The following PHLDB1 variants were observed in gnomAD, a reference collection of about 807,000 sequenced individuals.
The protein encoded by PHLDB1 is pleckstrin homology like domain family B member 1.
Under a neutral mutation model 139.3 loss-of-function variants are expected in PHLDB1, and 65 were observed. The ratio of observed to expected loss-of-function variants is 0.47; its 90% confidence interval spans 0.38 to 0.57. PHLDB1 has a LOEUF of 0.57. Among genes scored for constraint, PHLDB1 ranks in the 20% least tolerant of loss-of-function variants. PHLDB1 has a pLI of 0.00. For missense variants in PHLDB1, 1,624 were observed against 1,839.7 expected (o/e 0.88, Z 2.14); for synonymous variants, 679 against 734.5 (o/e 0.92, Z 1.22).
intron 22 of PHLDB1, 59 bp from the exon 23 acceptor site, chr11:118,656,624 G>A (rs782753196): frequency 2.3e-4 from 366 of 1,558,382 alleles, no homozygotes; most frequent in Non-Finnish European, 3.1e-4. Context: ...GGAGGCAGGT[G>A]AGAATATTCC....
chr11:118,642,692 T>G (rs1946777275), intron 13 of PHLDB1, among the ~76,000 whole-genome samples: 1 of 152,232 alleles, frequency 6.6e-6, no homozygotes, highest in Admixed American at 6.5e-5. Flanking sequence ...AGCTAGGCTG[T>G]GGGTCTGGCC....
intron 4 of PHLDB1, 49 bp from the exon 5 acceptor site, chr11:118,624,885 C>T (rs1336759786): frequency 6.2e-7 from 1 of 1,604,120 alleles, no homozygotes; most frequent in Non-Finnish European, 8.5e-7. Context: ...GTTGGGATTA[C>T]AGGTGTGAGC....
In PHLDB1 at chr11:118,639,269, G is replaced by A. The variant is rs372911847; in HGVS notation, c.2736+18G>A. On this transcript the variant is annotated intron_variant, in intron 12 of 22. Transcript: ENST00000600882. ...TCAAAGAGGTATCATGATTGGATTAGCCCCAGCTTCAGGCCCAAGGCGTGT... is the reference window on the plus strand; with the variant it reads ...TCAAAGAGGTATCATGATTGGATTAACCCCAGCTTCAGGCCCAAGGCGTGT... 121 of 1,599,024 alleles carry A rather than the reference G, an allele frequency of 7.6e-5. No homozygotes were observed. The highest frequency in any genetic ancestry group is 9.9e-5 in the Non-Finnish European group (116 of 1,166,366).
intron 18 of PHLDB1, among the ~76,000 whole-genome samples, chr11:118,649,393 C>G (rs781877360): frequency 1.3e-5 from 2 of 152,182 alleles, no homozygotes; most frequent in Non-Finnish European, 2.9e-5. Context: ...TTCTGGGAGT[C>G]TCTCTTCTAG....
In PHLDB1 at chr11:118,620,534, A is replaced by G. The variant is rs913104873; in HGVS notation, c.355+4323A>G. Reference sequence around the variant, plus strand: ...ACAAAACAAAACACCTGCCTGACTCAGAATCTCAGCCTGACTTTGCGGGCT... The same window carrying G: ...ACAAAACAAAACACCTGCCTGACTCGGAATCTCAGCCTGACTTTGCGGGCT... On this transcript the variant is annotated intron_variant, in intron 4 of 22. Coordinates refer to ENST00000600882, the MANE Select transcript of PHLDB1 (RefSeq NM_001144758.3). This position sits in a 1 kb window ranked among gnomAD's most constrained non-coding sequence, Gnocchi z 4.1. Among the ~76,000 whole-genome samples, 2 of 152,220 alleles carry G rather than the reference A, an allele frequency of 1.3e-5. No individual in the cohort carries two copies. The highest frequency in any genetic ancestry group is 6.5e-5 in the Admixed American group (1 of 15,276).
Position 118,650,194 on chromosome 11 carries a change from G to A in PHLDB1, c.3771+1G>A. On this transcript the variant is annotated splice_donor_variant, in intron 19 of 22. Transcript: ENST00000600882. LOFTEE classifies it high-confidence loss of function. The surrounding 1 kb of genome is among the most constrained non-coding windows in gnomAD (Gnocchi z 4.7). ...CCTGCACGTGGTGCTCAGCAGCAAGGTACAAGGCGTGTGTGGCCCTGGGGT... is the reference window on the plus strand; with the variant it reads ...CCTGCACGTGGTGCTCAGCAGCAAGATACAAGGCGTGTGTGGCCCTGGGGT... 1.2e-6 allele frequency: 2 copies of A among 1,605,850 alleles called. No individual in the cohort carries two copies. Among genetic ancestry groups the A allele is most frequent in the Non-Finnish European group, 1.7e-6 (2 of 1,172,520 alleles).
rs199709441 is a variant in PHLDB1 at position 118,611,829 on chromosome 11, A to T, written c.-21-1987A>T. On this transcript the variant is annotated intron_variant, in intron 1 of 22. Coordinates refer to ENST00000600882, the MANE Select transcript of PHLDB1 (RefSeq NM_001144758.3). The surrounding 1 kb of genome is among the most constrained non-coding windows in gnomAD (Gnocchi z 4.7). Reference sequence around the variant, plus strand: ...GTGAAACTCCGTCTCAAAAAAAAAAAAAAAATAATAATAATAATAATAAAT... The same window carrying T: ...GTGAAACTCCGTCTCAAAAAAAAAATAAAAATAATAATAATAATAATAAAT... 0.52 allele frequency among the ~76,000 whole-genome samples: 77,156 copies of T among 147,886 alleles called. 21,185 individuals are homozygous for T. Among genetic ancestry groups the T allele is most frequent in the East Asian group, 0.68 (3,419 of 5,004 alleles).
intron 4 of PHLDB1, among the ~76,000 whole-genome samples, chr11:118,623,281 A>G (rs1010868536): frequency 6.6e-6 from 1 of 152,134 alleles, no homozygotes; most frequent in Non-Finnish European, 1.5e-5. Flanking sequence ...GATTGGTGGT[A>G]GAGAGCAACA....
At chr11:118,640,019 C>G in intron 12 of PHLDB1, 1 of 985,092 alleles carries the variant, frequency 1.0e-6, no homozygotes, top group Non-Finnish European at 1.2e-6. Context: ...TCACAGCTAA[C>G]TGCGTGCTCT....
At chr11:118,655,531 C>T (rs1948922056) in intron 20 of PHLDB1, 74 bp from the exon 21 acceptor site, 1 of 910,382 alleles carries the variant, frequency 1.1e-6, no homozygotes. Flanking sequence ...AAGCTCAGGC[C>T]ATGGAGCTCC....
intron 22 of PHLDB1, 44 bp downstream of exon 22, chr11:118,655,936 T>C: frequency 7.1e-7 from 1 of 1,417,770 alleles, no homozygotes; most frequent in South Asian, 1.2e-5. Context: ...TAACACCTCC[T>C]GTACCCCACT....
At position 118,628,212 on chromosome 11, in the gene PHLDB1, T is replaced by G; in HGVS notation, c.1389T>G (p.Ser463=). The stretch of plus-strand genomic sequence containing the variant: ...GAGAACTACCCCCCTTAAGTCCATC[T>G]CTGTCCCGGCGAGCTCTCTCCCCGC... The part of the protein sequence containing the change: ...SMRELPPLSP[S]LSRRALSPLP... The change falls in exon 6 of 23, where the codon TCT becomes TCG. Residue 463 remains serine (S), a synonymous_variant. Coordinates refer to ENST00000600882, the MANE Select transcript of PHLDB1 (RefSeq NM_001144758.3). The G allele has an allele frequency of 2.5e-6, 4 of 1,614,032 alleles. No individual in the cohort carries two copies. The highest frequency in any genetic ancestry group is 3.4e-6 in the Non-Finnish European group (4 of 1,179,960).
chr11:118,628,370 CA>C lies in PHLDB1; in HGVS notation c.1548del (p.Arg517GlyfsTer22). 5 of 1,611,256 alleles carry C rather than the reference CA, an allele frequency of 3.1e-6. No homozygotes were observed. The highest frequency in any genetic ancestry group is 4.2e-6 in the Non-Finnish European group (5 of 1,178,882). On this transcript the variant is annotated frameshift_variant, in exon 6 of 23. Transcript: ENST00000600882. LOFTEE classifies it high-confidence loss of function. Reference sequence around the variant, plus strand: ...ACGCTGGGGGCACGGGGCCGTAGGACACGGAGCCCCTCACCCACACTGGGTG... The same window carrying C: ...ACGCTGGGGGCACGGGGCCGTAGGACCGGAGCCCCTCACCCACACTGGGTG... ...SLTLGARGRR[T>X]RSPSPTLGES...
At chr11:118,642,039 C>T in intron 12 of PHLDB1, 3 of 643,620 alleles carry the variant, frequency 4.7e-6, no homozygotes, top group Admixed American at 2.5e-5. Flanking sequence ...TCTTCTTTTT[C>T]TTGATGCTCT....
At chr11:118,625,083 G>A (rs534380259) in intron 5 of PHLDB1, 24 bp downstream of exon 5, 3 of 1,569,592 alleles carry the variant, frequency 1.9e-6, no homozygotes, top group African/African-American at 2.7e-5. Context: ...GGGGCAGGGT[G>A]CTGGGTTGAT....
At chr11:118,651,863 T>A (rs1555137522) in intron 20 of PHLDB1, 1 of 152,102 alleles carries the variant, frequency 6.6e-6, no homozygotes, top group African/African-American at 2.4e-5. Flanking sequence ...CGACTGCACA[T>A]TGTGAGTTGG....
chr11:118,635,249 A>T (rs1479423775), intron 9 of PHLDB1, 144 bp from the exon 10 acceptor site: 11 of 960,012 alleles, frequency 1.1e-5, no homozygotes, highest in Non-Finnish European at 1.7e-5. Flanking sequence ...AAGGCCAAGT[A>T]CAGCGGGAGC....
At position 118,645,657 on chromosome 11, in the gene PHLDB1, C is replaced by T; in HGVS notation, c.3416+7C>T. 6.2e-7 allele frequency: 1 copy of T among 1,613,424 alleles called. No individual in the cohort carries two copies. The highest frequency in any genetic ancestry group is 8.5e-7 in the Non-Finnish European group (1 of 1,179,502). ...CCCCTGACAACATGTCCAGGTACAC[C>T]CGACGCCTGGGCCCGCAGCCTCCCT... On this transcript the variant is annotated splice_region_variant and intron_variant, in intron 16 of 22. Coordinates refer to ENST00000600882, the MANE Select transcript of PHLDB1 (RefSeq NM_001144758.3). This position sits in a 1 kb window ranked among gnomAD's most constrained non-coding sequence, Gnocchi z 5.1.
intron 22 of PHLDB1, 46 bp downstream of exon 22, chr11:118,655,938 T>C (rs1178740918): frequency 1.4e-5 from 19 of 1,404,868 alleles, no homozygotes; most frequent in Non-Finnish European, 1.9e-5. Flanking sequence ...ACACCTCCTG[T>C]ACCCCACTCA....
Sources: allele counts gnomAD v4.1 joint callset (sites outside exome capture counted in the v4.1 genomes callset), GRCh38; gene constraint gnomAD v4.1.1; non-coding constraint Gnocchi (gnomAD v3.1); transcripts MANE v1.5; gene names NCBI Gene and HGNC (gene_info 2026-07-23, HGNC 2026-07-21).